RBFOX1: variants seen among roughly 807,000 people sequenced by gnomAD.
RBFOX1 encodes the protein RNA binding protein fox-1 homolog 1.
RBFOX1 carries 8 observed loss-of-function variants against 57.7 expected under a neutral mutation model. That is an observed-to-expected ratio of 0.14 (90% CI 0.08 to 0.25). RBFOX1 has a LOEUF of 0.25. Ranked by LOEUF, RBFOX1 falls within the 10% of genes least tolerant of loss-of-function variation. The probability of loss-of-function intolerance (pLI) is 1.00; values close to 1 mark genes in which losing one functional copy is unlikely to be tolerated. For synonymous variants in RBFOX1, 326 were observed against 222.4 expected, an observed-to-expected ratio of 1.47 and a Z score of -4.15; for missense variants, 611 against 548.5, an observed-to-expected ratio of 1.11 and a Z score of -1.14.
intron 1 of RBFOX1, chr16:5,270,266 T>C: frequency 1.7e-6 from 1 of 600,408 alleles, no homozygotes; most frequent in Non-Finnish European, 3.0e-6. Flanking sequence ...AAGATCAGTA[T>C]GATGTAAAAG....
chr16:7,024,968 C>G (rs1597330393), intron 3 of RBFOX1, among the ~76,000 whole-genome samples: 1 of 152,198 alleles, frequency 6.6e-6, no homozygotes, highest in East Asian at 1.9e-4. Context: ...AGGCCACACA[C>G]CAGGCAAGAA....
chr16:6,195,950 A>G (rs1055648782), intron 1 of RBFOX1, among the ~76,000 whole-genome samples: 1 of 152,194 alleles, frequency 6.6e-6, no homozygotes, highest in African/African-American at 2.4e-5. Context: ...TGGGAAATAG[A>G]TTGGGTGGAA....
chr16:6,831,962 CG>C (rs930381607), intron 3 of RBFOX1, among the ~76,000 whole-genome samples: 3 of 152,120 alleles, frequency 2.0e-5, no homozygotes, highest in Admixed American at 2.0e-4. Flanking sequence ...ATTGCAAAAA[CG>C]GGAAGATGTT....
chr16:6,955,348 G>GCACAGA (rs2081564937), intron 3 of RBFOX1, among the ~76,000 whole-genome samples: 1 of 150,230 alleles, frequency 6.7e-6, no homozygotes, highest in East Asian at 2.0e-4. Flanking sequence ...CCCCACATAT[G>GCACAGA]CACACACACA....
intron 1 of RBFOX1, among the ~76,000 whole-genome samples, chr16:6,028,749 C>T (rs1281208471): frequency 6.6e-6 from 1 of 152,110 alleles, no homozygotes; most frequent in African/African-American, 2.4e-5. Context: ...ATTGTTCAGT[C>T]TGAATTACAG....
chr16:6,417,408 T>C (rs930769677), intron 2 of RBFOX1, among the ~76,000 whole-genome samples: 1 of 143,048 alleles, frequency 7.0e-6, no homozygotes, highest in African/African-American at 2.5e-5. Flanking sequence ...TATAAATGTG[T>C]TTACTTTTTT....
chr16:7,026,467 A>T (rs375183392), intron 3 of RBFOX1, among the ~76,000 whole-genome samples: 2 of 151,736 alleles, frequency 1.3e-5, no homozygotes, highest in African/African-American at 4.8e-5. Context: ...TTCTTCTTTC[A>T]TTTTTTTCAC....
chr16:6,994,071 T>C lies in RBFOX1; in HGVS notation c.-15-57986T>C, dbSNP rs146998314. 3.9e-5 allele frequency among the ~76,000 whole-genome samples: 6 copies of C among 152,264 alleles called. No homozygotes were observed. In the East Asian group the frequency reaches 1.2e-3, roughly 30 times the overall value. ...TGGGAGTTTAACAAACAGGCCTTAG[T>C]GCACTTTAGCTGTTGCTGACATCTG... On this transcript the variant is annotated intron_variant, in intron 3 of 15. Transcript: ENST00000550418.
At chr16:5,487,459 T>C (rs1190505026) in intron 2 of RBFOX1, among the ~76,000 whole-genome samples, 7 of 152,148 alleles carry the variant, frequency 4.6e-5, no homozygotes, top group African/African-American at 1.7e-4. Context: ...TACCCTAGAT[T>C]GTTGAGTGGA....
intron 3 of RBFOX1, among the ~76,000 whole-genome samples, chr16:6,805,279 A>G (rs1307537523): frequency 2.0e-5 from 3 of 152,190 alleles, no homozygotes; most frequent in Non-Finnish European, 2.9e-5. Context: ...TTAGCAAACT[A>G]TGACAGGAAC....
At chr16:6,065,704 C>T (rs1002746665) in intron 1 of RBFOX1, among the ~76,000 whole-genome samples, 3 of 152,120 alleles carry the variant, frequency 2.0e-5, no homozygotes, top group Admixed American at 6.5e-5. Flanking sequence ...GAATTCTGCC[C>T]CTTCCTCTGT....
At chr16:5,858,084 G>C (rs1290291305) in intron 3 of RBFOX1, among the ~76,000 whole-genome samples, 1 of 152,184 alleles carries the variant, frequency 6.6e-6, no homozygotes, top group East Asian at 1.9e-4. Flanking sequence ...ATCTTTGTCT[G>C]TATTTCCACA....
At position 5,768,297 on chromosome 16, in the gene RBFOX1, CA is replaced by C. The variant is rs1223932632; in HGVS notation, c.319-99003del. Among the ~76,000 whole-genome samples, 11 of 152,294 alleles carry C rather than the reference CA, an allele frequency of 7.2e-5. 1 individual carries two copies. The highest frequency in any genetic ancestry group is 6.5e-4 in the Admixed American group (10 of 15,296). On this transcript the variant is annotated intron_variant, in intron 3 of 19. Transcript: ENST00000641259. Reference sequence around the variant, plus strand: ...ACAAAGGAAGCGCTGAAATGTGCATCAAATGGGGGCCGCTAAGATAACTGAG... The same window carrying C: ...ACAAAGGAAGCGCTGAAATGTGCATCAATGGGGGCCGCTAAGATAACTGAG...
intron 3 of RBFOX1, among the ~76,000 whole-genome samples, chr16:6,655,133 G>A (rs918569428): frequency 6.6e-6 from 1 of 151,584 alleles, no homozygotes; most frequent in Non-Finnish European, 1.5e-5. Flanking sequence ...CAACACTTTG[G>A]GAGGCAGAGG....
intron 4 of RBFOX1, among the ~76,000 whole-genome samples, chr16:7,158,428 T>C (rs2077587820): frequency 6.6e-6 from 1 of 152,320 alleles, no homozygotes. Context: ...ACTGGTCTTA[T>C]ACAGACATTG....
At chr16:7,688,242 TGTGTGTGTGTGTGTGTGTGAGAGA>T (rs1190921568) in intron 14 of RBFOX1, among the ~76,000 whole-genome samples, 1 of 146,558 alleles carries the variant, frequency 6.8e-6, no homozygotes, top group Non-Finnish European at 1.5e-5. Flanking sequence ...TGTGTGTGTG[TGTGTGTGTGTGTGTGTGTGAGAGA>T]GAGAGAGAGA....
intron 1 of RBFOX1, among the ~76,000 whole-genome samples, chr16:6,036,125 G>A (rs931117404): frequency 6.6e-6 from 1 of 152,152 alleles, no homozygotes; most frequent in African/African-American, 2.4e-5. Context: ...GACACAAAAC[G>A]CTTTGTGTAC....
intron 1 of RBFOX1, among the ~76,000 whole-genome samples, chr16:5,434,000 C>T (rs2151520016): frequency 6.6e-6 from 1 of 152,088 alleles, no homozygotes; most frequent in African/African-American, 2.4e-5. Flanking sequence ...GGGTCCACCC[C>T]AGTCCTATCC....
intron 4 of RBFOX1, among the ~76,000 whole-genome samples, chr16:7,152,757 A>G (rs1178448710): frequency 2.6e-5 from 4 of 152,172 alleles, no homozygotes; most frequent in Non-Finnish European, 5.9e-5. Flanking sequence ...AATTGTTCCT[A>G]ATGGGGTCCA....
Sources: gnomAD v4.1 joint callset for allele counts (sites outside exome capture counted in the v4.1 genomes callset) on GRCh38, gnomAD v4.1.1 for gene constraint, MANE v1.5 for transcripts, NCBI Gene and HGNC (gene_info 2026-07-23, HGNC 2026-07-21) for gene names.